Variants in MAN1B1 observed in about 807,000 individuals in gnomAD.
MAN1B1 encodes the protein mannosidase alpha class 1B member 1, also known as endoplasmic reticulum mannosyl-oligosaccharide 1,2-alpha-mannosidase.
A neutral mutation model predicts 75.5 loss-of-function variants in MAN1B1; 66 were observed. That is an observed-to-expected ratio of 0.87 (90% CI 0.72 to 1.07). MAN1B1 has a LOEUF of 1.07. Ranked by LOEUF, MAN1B1 falls within the 50% of genes least tolerant of loss-of-function variation. The pLI is 0.00. For missense variants in MAN1B1, 973 were observed against 912.5 expected, an observed-to-expected ratio of 1.07 and a Z score of -0.85; for synonymous variants, 453 against 382.8, an observed-to-expected ratio of 1.18 and a Z score of -2.14.
rs971625397 is a variant in MAN1B1 at position 137,099,955 on chromosome 9, A to C, written c.916+74A>C. 1.9e-6 allele frequency: 3 copies of C among 1,552,228 alleles called. No individual in the cohort carries two copies. In the African/African-American group the frequency reaches 4.1e-5, roughly 21 times the overall value. ...TGTGCTGAGGCAGAGTGTGGGTTGC[A>C]CACGGGGTGAAAGCTGCTGTTTGCA... On this transcript the variant is annotated intron_variant, in intron 6 of 12. Coordinates refer to ENST00000371589, the MANE Select transcript of MAN1B1 (RefSeq NM_016219.5).
chr9:137,094,841 CTG>C (rs1179521331), intron 3 of MAN1B1, among the ~76,000 whole-genome samples: 2 of 147,694 alleles, frequency 1.4e-5, no homozygotes, highest in African/African-American at 5.0e-5. Context: ...GATCACGCCA[CTG>C]CACTCCTGCC....
chr9:137,109,179 T>A lies in MAN1B1; in HGVS notation c.*588T>A. 1 of 454,466 alleles carries A rather than the reference T, an allele frequency of 2.2e-6. No homozygotes were observed. The highest frequency in any genetic ancestry group is 4.4e-6 in the Non-Finnish European group (1 of 226,822). The allele number at this position is 454,466 out of a possible 1,614,324, so 28.2% of individuals were successfully genotyped here. ...TCGGTGGAGATAAAAGTTGATTTGC[T>A]CTAACCGCGATGTCGCCTGTGTCTT... is the stretch of plus-strand genomic sequence containing the variant. On this transcript the variant is annotated 3_prime_UTR_variant, in exon 13 of 13. Transcript: ENST00000371589.
chr9:137,098,163 T>C (rs566610407), intron 5 of MAN1B1, among the ~76,000 whole-genome samples: 11 of 152,328 alleles, frequency 7.2e-5, no homozygotes, highest in African/African-American at 2.4e-4. Context: ...AAGGTGTGTC[T>C]GAGAGGTTTG....
At chr9:137,088,817 T>C in intron 2 of MAN1B1, 52 bp from the exon 3 acceptor site, 5 of 1,606,294 alleles carry the variant, frequency 3.1e-6, no homozygotes, top group Non-Finnish European at 4.3e-6. Flanking sequence ...GCAGTTTAAA[T>C]CTCTTGTAGG....
intron 4 of MAN1B1, among the ~76,000 whole-genome samples, chr9:137,096,704 A>G (rs1034824980): frequency 1.3e-5 from 2 of 152,106 alleles, no homozygotes; most frequent in African/African-American, 2.4e-5. Flanking sequence ...TGCCTGGGCC[A>G]CCTCCTTTCC....
intron 8 of MAN1B1, chr9:137,102,691 C>T (rs1830894736): frequency 1.6e-5 from 7 of 439,272 alleles, no homozygotes; most frequent in South Asian, 1.1e-4. Context: ...CTGTTGCAGA[C>T]ATGCAGGTCG....
chr9:137,090,966 G>A (rs75520911), intron 3 of MAN1B1, among the ~76,000 whole-genome samples: 296 of 152,270 alleles, frequency 1.9e-3, no homozygotes, highest in African/African-American at 6.8e-3. Flanking sequence ...CATTCCTGTC[G>A]CTGAGCAGCT....
chr9:137,088,294 T>C, intron 2 of MAN1B1, 111 bp downstream of exon 2: 1 of 1,610,760 alleles, frequency 6.2e-7, no homozygotes, highest in South Asian at 1.1e-5. Flanking sequence ...TGGCAACGAA[T>C]TGGCAAGAAA....
intron 1 of MAN1B1, chr9:137,087,597 G>A (rs1830407708): frequency 2.1e-6 from 1 of 472,650 alleles, no homozygotes; most frequent in South Asian, 1.7e-5. Context: ...CTCTTGATTG[G>A]CTCCTGGTCT....
At chr9:137,095,207 C>T (rs141506978) in intron 3 of MAN1B1, among the ~76,000 whole-genome samples, 1 of 152,046 alleles carries the variant, frequency 6.6e-6, no homozygotes, top group Non-Finnish European at 1.5e-5. Context: ...GCGTGCGCCA[C>T]CACGCCTGGC....
At chr9:137,107,068 G>C (rs1831136948) in intron 10 of MAN1B1, 182 bp from the exon 11 acceptor site, 1 of 770,958 alleles carries the variant, frequency 1.3e-6, no homozygotes. Context: ...CGGTGTGTGG[G>C]GGCCGGGTTG....
At chr9:137,097,546 C>T (rs1053054706) in intron 4 of MAN1B1, among the ~76,000 whole-genome samples, 16 of 152,190 alleles carry the variant, frequency 1.1e-4, no homozygotes, top group South Asian at 2.1e-4. Flanking sequence ...AGAGGCCCCC[C>T]GCCTCCGGCC....
intron 10 of MAN1B1, 126 bp from the exon 11 acceptor site, chr9:137,107,124 C>A: frequency 9.7e-7 from 1 of 1,032,644 alleles, no homozygotes; most frequent in Non-Finnish European, 1.4e-6. Context: ...CAAGTGCCCT[C>A]GCGTGGCCTC....
chr9:137,108,221 G>A (rs1331575836), intron 12 of MAN1B1, 167 bp from the exon 13 acceptor site: 8 of 664,494 alleles, frequency 1.2e-5, no homozygotes, highest in South Asian at 5.1e-5. Context: ...GGTGGGCTCC[G>A]GTGGAACCAC....
intron 3 of MAN1B1, among the ~76,000 whole-genome samples, chr9:137,093,995 C>G (rs1830588661): frequency 6.6e-6 from 1 of 151,156 alleles, no homozygotes; most frequent in Non-Finnish European, 1.5e-5. Flanking sequence ...GATCATAAAA[C>G]TGTGATCATT....
At chr9:137,089,036 C>T (rs1336140578) in intron 3 of MAN1B1, 31 bp downstream of exon 3, 2 of 1,613,528 alleles carry the variant, frequency 1.2e-6, no homozygotes, top group South Asian at 1.1e-5. Flanking sequence ...GGGGTTATAA[C>T]TGGGGTTCAA....
chr9:137,087,826 G>T (rs1830414484), intron 1 of MAN1B1, among the ~76,000 whole-genome samples: 1 of 152,126 alleles, frequency 6.6e-6, no homozygotes, highest in Admixed American at 6.5e-5. Context: ...CCTACTCCCT[G>T]CTGAGAGGGA....
In MAN1B1 at chr9:137,097,917, C is replaced by A. The variant is rs764273171; in HGVS notation, c.710C>A (p.Ala237Asp). 21 of 1,558,400 alleles carry A rather than the reference C, an allele frequency of 1.3e-5. No homozygotes were observed. The highest frequency in any genetic ancestry group is 1.8e-5 in the Non-Finnish European group (21 of 1,151,484). Residue 237 changes from alanine to aspartate, a missense_variant, in exon 5 of 13, where the codon GCC becomes GAC. Ala to Asp is a moderately radical substitution (Grantham distance 126). Transcript: ENST00000371589. ...EVPTKPPLPP[A>D]RTQGTPVHLN... Reference sequence around the variant, plus strand: ...CCCACCAAGCCTCCCCTGCCACCGGCCAGGACACAGGGCACACCAGGTGAG... The same window carrying A: ...CCCACCAAGCCTCCCCTGCCACCGGACAGGACACAGGGCACACCAGGTGAG...
At chr9:137,103,925 ACATT>A (rs1291078408) in intron 8 of MAN1B1, 1 of 452,144 alleles carries the variant, frequency 2.2e-6, no homozygotes, top group Admixed American at 2.4e-5. Flanking sequence ...GTAGTGTTAC[ACATT>A]CATGCTGTTG....
Sources: allele counts gnomAD v4.1 joint callset (sites outside exome capture counted in the v4.1 genomes callset), GRCh38; gene constraint gnomAD v4.1.1; transcripts MANE v1.5; gene names NCBI Gene and HGNC (gene_info 2026-07-23, HGNC 2026-07-21).